CACNA2D4: variants seen among roughly 807,000 people sequenced by gnomAD.
CACNA2D4 encodes the protein calcium voltage-gated channel auxiliary subunit alpha2delta 4.
Under a neutral mutation model 163.8 loss-of-function variants are expected in CACNA2D4, and 157 were observed. That is an observed-to-expected ratio of 0.96 (90% CI 0.84 to 1.09). The LOEUF (loss-of-function observed/expected upper bound fraction) is 1.09. CACNA2D4 is among the 50% of genes least tolerant of loss of function. CACNA2D4 has a pLI of 0.00. For missense variants in CACNA2D4, 1,410 were observed against 1,479.9 expected, an observed-to-expected ratio of 0.95 and a Z score of 0.78; for synonymous variants, 598 against 586.9, an observed-to-expected ratio of 1.02 and a Z score of -0.27.
Position 1,882,866 on chromosome 12 carries a change from C to A in CACNA2D4, c.1485+1G>T. On this transcript the variant is annotated splice_donor_variant, in intron 13 of 37. Coordinates refer to ENST00000382722, the MANE Select transcript of CACNA2D4 (RefSeq NM_172364.5). LOFTEE classifies it high-confidence loss of function. ...GAGCTGGGAGCTGCTGCCAGGCTCA[C>A]CTTGCTGTCCATGTAGGCCTCTGTC... 6.2e-7 allele frequency: 1 copy of A among 1,613,672 alleles called. No individual in the cohort carries two copies. Among genetic ancestry groups the A allele is most frequent in the Non-Finnish European group, 8.5e-7 (1 of 1,179,732 alleles).
Position 1,793,366 on chromosome 12 carries a change from G to A in CACNA2D4, c.*289C>T, listed in dbSNP as rs897123838. 6.0e-6 allele frequency: 3 copies of A among 500,342 alleles called. No homozygotes were observed. The highest frequency in any genetic ancestry group is 5.1e-5 in the South Asian group (2 of 39,214). The allele number at this position is 500,342 out of a possible 1,614,324, so 31.0% of individuals were successfully genotyped here. A position where few individuals can be genotyped will look rare whatever the true frequency, so the allele number is the denominator to read the frequency against. ...TTGTCTTGGTCCAAGCTGAGCTCAC[G>A]CTGGCTTCCCGAAGAGGAGACAGGA... is the stretch of plus-strand genomic sequence containing the variant. On this transcript the variant is annotated 3_prime_UTR_variant, in exon 38 of 38. Coordinates refer to ENST00000382722, the MANE Select transcript of CACNA2D4 (RefSeq NM_172364.5).
chr12:1,884,026 T>C (rs2154449694), intron 12 of CACNA2D4: 1 of 529,176 alleles, frequency 1.9e-6, no homozygotes, highest in Non-Finnish European at 3.4e-6. Flanking sequence ...CTTACTTTGC[T>C]GAAAGAAAGA....
At chr12:1,888,618 G>A (rs1225292644) in intron 6 of CACNA2D4, among the ~76,000 whole-genome samples, 2 of 152,170 alleles carry the variant, frequency 1.3e-5, no homozygotes, top group East Asian at 1.9e-4. Context: ...TGAAGCTTTC[G>A]GAGATGAAAA....
chr12:1,885,511 G>A (rs1016702589), intron 9 of CACNA2D4, among the ~76,000 whole-genome samples: 19 of 152,186 alleles, frequency 1.2e-4, no homozygotes, highest in Non-Finnish European at 2.1e-4. Context: ...ACAGAGGGAG[G>A]AATCTATGAT....
At chr12:1,854,563 A>G (rs1349248394) in intron 22 of CACNA2D4, among the ~76,000 whole-genome samples, 2 of 152,038 alleles carry the variant, frequency 1.3e-5, no homozygotes, top group African/African-American at 4.8e-5. Context: ...ACACCACCAC[A>G]CCTGGCTAAT....
intron 18 of CACNA2D4, among the ~76,000 whole-genome samples, chr12:1,865,053 C>T (rs544283365): frequency 6.6e-6 from 1 of 152,322 alleles, no homozygotes; most frequent in African/African-American, 2.4e-5. Flanking sequence ...GGTCCCTCCT[C>T]TCTGGGTGAG....
At chr12:1,885,895 A>T in intron 9 of CACNA2D4, 70 bp downstream of exon 9, 1 of 1,132,018 alleles carries the variant, frequency 8.8e-7, no homozygotes, top group Non-Finnish European at 1.3e-6. Flanking sequence ...GAAACAGTCT[A>T]CAGAGACAAC....
At chr12:1,916,388 T>C (rs1866980740) in intron 1 of CACNA2D4, among the ~76,000 whole-genome samples, 1 of 152,128 alleles carries the variant, frequency 6.6e-6, no homozygotes, top group Admixed American at 6.5e-5. Flanking sequence ...CACATGATGT[T>C]TAGGAAAAGC....
chr12:1,884,721 G>A, intron 11 of CACNA2D4, 47 bp downstream of exon 11: 1 of 1,262,788 alleles, frequency 7.9e-7, no homozygotes, highest in Non-Finnish European at 1.1e-6. Flanking sequence ...CCCATCCATG[G>A]CAGCAGGAGA....
At chr12:1,851,651 T>TTGTGTGTGTGTGTGTGTG (rs71055202) in intron 23 of CACNA2D4, among the ~76,000 whole-genome samples, 4 of 118,590 alleles carry the variant, frequency 3.4e-5, no homozygotes, top group South Asian at 3.1e-4. Context: ...TGGTGTGTGT[T>TTGTGTGTGTGTGTGTGTG]TGTGTGTGTG....
intron 13 of CACNA2D4, 89 bp from the exon 14 acceptor site, chr12:1,879,970 A>G (rs2154449482): frequency 1.3e-6 from 1 of 747,628 alleles, no homozygotes; most frequent in Non-Finnish European, 2.3e-6. Flanking sequence ...GAGAACCCAC[A>G]GTCACCACAT....
Position 1,793,462 on chromosome 12 carries a change from A to C in CACNA2D4, c.*193T>G. 1.6e-6 allele frequency: 1 copy of C among 631,894 alleles called. No homozygotes were observed. The highest frequency in any genetic ancestry group is 2.9e-6 in the Non-Finnish European group (1 of 346,078). 39.1% of individuals were successfully genotyped at this position (631,894 alleles called of 1,614,324 possible). On this transcript the variant is annotated 3_prime_UTR_variant, in exon 38 of 38. Coordinates refer to ENST00000382722, the MANE Select transcript of CACNA2D4 (RefSeq NM_172364.5). ...TACCGGGCACCATGAAGCATCTTGAAAGTGGTGCCAGGTGATTGGTTTCCT... is the reference window on the plus strand; with the variant it reads ...TACCGGGCACCATGAAGCATCTTGACAGTGGTGCCAGGTGATTGGTTTCCT...
chr12:1,912,795 T>C (rs1218220118), intron 3 of CACNA2D4, among the ~76,000 whole-genome samples: 2 of 152,200 alleles, frequency 1.3e-5, no homozygotes, highest in Non-Finnish European at 2.9e-5. Context: ...GGGGCAGAGC[T>C]CTGATCCCAG....
chr12:1,795,319 A>G lies in CACNA2D4; in HGVS notation c.3289T>C (p.Cys1097Arg). 2 of 1,613,186 alleles carry G rather than the reference A, an allele frequency of 1.2e-6. No homozygotes were observed. The highest frequency in any genetic ancestry group is 4.5e-5 in the East Asian group (2 of 44,886). Reference sequence around the variant, plus strand: ...CGCACCTCTGGATGGAAGGCGTGGCAGGAGTCTGGTCGCCGGCGGAGCTTC... The same window carrying G: ...CGCACCTCTGGATGGAAGGCGTGGCGGGAGTCTGGTCGCCGGCGGAGCTTC... ...SQKLRRRPDS[C>R]HAFHPEENAQ... The change falls in exon 37 of 38, where the codon TGC (cysteine) becomes CGC (arginine). Residue 1097 changes from cysteine to arginine, a missense_variant. Cys to Arg is a radical substitution (Grantham distance 180, BLOSUM62 -3). Coordinates refer to ENST00000382722, the MANE Select transcript of CACNA2D4 (RefSeq NM_172364.5).
chr12:1,844,200 G>A lies in CACNA2D4; in HGVS notation c.2470+202C>T, dbSNP rs185132387. ...TCAAATGATCAGGCTCACCTTCAGCGTGGGACCTGTGGTGTGGGAAGGTGC... is the reference window on the plus strand; with the variant it reads ...TCAAATGATCAGGCTCACCTTCAGCATGGGACCTGTGGTGTGGGAAGGTGC... On this transcript the variant is annotated intron_variant, in intron 25 of 37. Coordinates refer to ENST00000382722, the MANE Select transcript of CACNA2D4 (RefSeq NM_172364.5). The surrounding 1 kb of genome is among the most constrained non-coding windows in gnomAD (Gnocchi z 4.2). Among the ~76,000 whole-genome samples, 32 of 152,292 alleles carry A rather than the reference G, an allele frequency of 2.1e-4. No individual in the cohort carries two copies. Among genetic ancestry groups the A allele is most frequent in the Admixed American group, 1.6e-3 (25 of 15,306 alleles).
chr12:1,797,506 G>A lies in CACNA2D4; in HGVS notation c.3025C>T (p.Gln1009Ter). The change falls in exon 35 of 38, where the codon CAG becomes TAG. Residue 1009 changes from glutamine to a stop codon, truncating the protein, a stop_gained. Coordinates refer to ENST00000382722, the MANE Select transcript of CACNA2D4 (RefSeq NM_172364.5). LOFTEE classifies it high-confidence loss of function. ...ACGGGGTACTCCGTGTCGCAGGGCT[G>A]CAGCGGGTCCTGCTTCTTGTGTTTG... ...SHKHKKQDPL[Q>*]PCDTEYPVFV... 6.3e-7 allele frequency: 1 copy of A among 1,579,844 alleles called. No homozygotes were observed.
Position 1,918,350 on chromosome 12 carries a change from C to G in CACNA2D4, c.124G>C (p.Val42Leu), listed in dbSNP as rs776658230. The G allele has an allele frequency of 5.6e-6, 9 of 1,607,552 alleles. No homozygotes were observed. In the Admixed American group the frequency reaches 1.2e-4, roughly 21 times the overall value. The change falls in exon 1 of 38, where the codon GTG becomes CTG. Residue 42 changes from valine (V) to leucine (L), a missense_variant. By Grantham distance (32) the Val-to-Leu change is conservative. Coordinates refer to ENST00000382722, the MANE Select transcript of CACNA2D4 (RefSeq NM_172364.5). ...GTCTTCTGCACAAAGGCCCAGGCCA[C>G]GGGCATTGGCTGGAGGGGAATCCAG... ...SRWIPLQPMPVAWAFVQKTSA... is the reference protein window; with the variant it reads ...SRWIPLQPMPLAWAFVQKTSA...
intron 32 of CACNA2D4, 65 bp downstream of exon 32, chr12:1,800,321 A>ACCGTCCGCCTCCTGC: frequency 1.9e-6 from 3 of 1,552,666 alleles, no homozygotes; most frequent in Admixed American, 3.3e-5. Context: ...CTCCTGCTCA[A>ACCGTCCGCCTCCTGC]GGACACCCTC....
chr12:1,878,546 A>G lies in CACNA2D4; in HGVS notation c.1645-157T>C, dbSNP rs117638123. 0.039 allele frequency: 53,485 copies of G among 1,381,366 alleles called. 1,233 individuals are homozygous for G. The highest frequency in any genetic ancestry group is 0.046 in the Non-Finnish European group (46,317 of 1,006,638). The allele number at this position is 1,381,366 out of a possible 1,614,324, so 85.6% of individuals were successfully genotyped here. On this transcript the variant is annotated intron_variant, in intron 15 of 37. Transcript: ENST00000382722. The surrounding 1 kb of genome is among the most constrained non-coding windows in gnomAD (Gnocchi z 4.6). The stretch of plus-strand genomic sequence containing the variant: ...GTAACTGAGCCAGTGCCATGCTTCC[A>G]TCATTGATTGAGGAGTCCTTTCCAA...
Sources: gnomAD v4.1 joint callset for allele counts (sites outside exome capture counted in the v4.1 genomes callset) on GRCh38, gnomAD v4.1.1 for gene constraint, Gnocchi (gnomAD v3.1) non-coding constraint, MANE v1.5 for transcripts, NCBI Gene and HGNC (gene_info 2026-07-23, HGNC 2026-07-21) for gene names.